Variants in ANK3 observed in about 807,000 individuals in gnomAD.
ANK3 encodes the protein ankyrin 3.
In ANK3, 57 loss-of-function variants were observed where a neutral mutation model predicts 370.9. That is an observed-to-expected ratio of 0.15 (90% CI 0.12 to 0.19). ANK3 has a LOEUF of 0.19. ANK3 is among the 10% of genes least tolerant of loss of function. ANK3 has a pLI of 1.00. For synonymous variants in ANK3, 1,929 were observed against 1,946.3 expected (o/e 0.99, Z 0.23); for missense variants, 4,439 against 5,302.1 (o/e 0.84, Z 5.06).
At chr10:60,451,532 AC>A (rs1242691694) in intron 2 of ANK3, among the ~76,000 whole-genome samples, 1 of 152,208 alleles carries the variant, frequency 6.6e-6, no homozygotes. Context: ...TGTAGAAGCT[AC>A]ATTAGGCTGC....
At chr10:60,698,767 G>T (rs1241652646) in intron 1 of ANK3, among the ~76,000 whole-genome samples, 3 of 101,830 alleles carry the variant, frequency 2.9e-5, no homozygotes, top group African/African-American at 7.4e-5. Flanking sequence ...TGGGGGGAGG[G>T]GGGAGGGATA....
intron 2 of ANK3, among the ~76,000 whole-genome samples, chr10:60,525,424 A>C (rs1385840500): frequency 6.6e-6 from 1 of 152,122 alleles, no homozygotes; most frequent in Non-Finnish European, 1.5e-5. Context: ...ATAATATATA[A>C]AATTTAGAAG....
At position 60,276,935 on chromosome 10, in the gene ANK3, G is replaced by T. The variant is rs542062980; in HGVS notation, c.414+1839C>A. 4.6e-5 allele frequency among the ~76,000 whole-genome samples: 7 copies of T among 152,268 alleles called. No homozygotes were observed. In the East Asian group the frequency reaches 1.3e-3, roughly 29 times the overall value. ...ATGATGCTTCTATTGTAGTAAGCTG[G>T]TCTGTGTCTCTCTCAAAGTACCATA... On this transcript the variant is annotated intron_variant, in intron 4 of 43. Transcript: ENST00000280772.
Position 60,166,629 on chromosome 10 carries a change from A to AT in ANK3, c.2575dup (p.Met859AsnfsTer4). On this transcript the variant is annotated frameshift_variant, in exon 23 of 44. Coordinates refer to ENST00000280772, the MANE Select transcript of ANK3 (RefSeq NM_020987.5). LOFTEE classifies it high-confidence loss of function. Reference sequence around the variant, plus strand: ...TGAGATATATTCGCCATCACTGAGCATTTCAGGGGCATTGGCTTTACGAAC... The same window carrying AT: ...TGAGATATATTCGCCATCACTGAGCATTTTCAGGGGCATTGGCTTTACGAAC... 1 of 1,613,882 alleles carries AT rather than the reference A, an allele frequency of 6.2e-7. No individual in the cohort carries two copies. Among genetic ancestry groups the AT allele is most frequent in the African/African-American group, 1.3e-5 (1 of 75,052 alleles).
At chr10:60,601,327 G>T (rs1467710939) in intron 2 of ANK3, among the ~76,000 whole-genome samples, 1 of 151,614 alleles carries the variant, frequency 6.6e-6, no homozygotes, top group African/African-American at 2.4e-5. Flanking sequence ...AAAAAAAAAA[G>T]TTATAACGCA....
intron 7 of ANK3, among the ~76,000 whole-genome samples, chr10:60,249,874 T>C (rs1412197031): frequency 6.6e-6 from 1 of 152,180 alleles, no homozygotes; most frequent in Non-Finnish European, 1.5e-5. Flanking sequence ...GGTCACGCAC[T>C]GAGGCGTACC....
intron 2 of ANK3, among the ~76,000 whole-genome samples, chr10:60,609,258 C>T (rs1208405938): frequency 6.6e-6 from 1 of 152,086 alleles, no homozygotes; most frequent in East Asian, 1.9e-4. Flanking sequence ...TTCATGATTC[C>T]TAATGAGTAA....
At chr10:60,309,486 G>A (rs2045884376) in intron 1 of ANK3, among the ~76,000 whole-genome samples, 1 of 152,192 alleles carries the variant, frequency 6.6e-6, no homozygotes, top group Admixed American at 6.5e-5. Flanking sequence ...TTTTGAAAAT[G>A]TAATGAACTC....
chr10:60,369,643 T>C (rs1202561560), intron 1 of ANK3, among the ~76,000 whole-genome samples: 1 of 152,194 alleles, frequency 6.6e-6, no homozygotes, highest in Non-Finnish European at 1.5e-5. Context: ...ATTGTATATC[T>C]CACAATCATT....
intron 26 of ANK3, chr10:60,111,695 T>C: frequency 4.4e-6 from 2 of 449,886 alleles, no homozygotes; most frequent in South Asian, 1.6e-5. Flanking sequence ...AAATTAAAAA[T>C]ACAAAAAGGA....
At chr10:60,622,351 T>G (rs1444402143) in intron 1 of ANK3, among the ~76,000 whole-genome samples, 1 of 152,050 alleles carries the variant, frequency 6.6e-6, no homozygotes, top group African/African-American at 2.4e-5. Context: ...TACAAGTGAT[T>G]CTCCTGCCTC....
In ANK3 at chr10:60,139,057, T is replaced by A; in HGVS notation, c.2645A>T (p.Lys882Ile). Residue 882 changes from lysine to isoleucine, a missense_variant, in exon 24 of 44, where the codon AAA becomes ATA. Lys to Ile is a moderately radical substitution (Grantham distance 102). Coordinates refer to ENST00000280772, the MANE Select transcript of ANK3 (RefSeq NM_020987.5). Reference protein sequence around the residue: ...GEDAMTGDTDKYLGPQDLKEL... With the variant: ...GEDAMTGDTDIYLGPQDLKEL... ...CTTAAGGTCCTGTGGCCCAAGATAT[T>A]TGTCTGTGTCCCCGGTCATTGCATC... is the stretch of plus-strand genomic sequence containing the variant. 1 of 1,613,690 alleles carries A rather than the reference T, an allele frequency of 6.2e-7. No homozygotes were observed.
intron 1 of ANK3, among the ~76,000 whole-genome samples, chr10:60,630,740 A>C (rs2078470480): frequency 6.6e-6 from 1 of 152,182 alleles, no homozygotes. Flanking sequence ...ATAAAAAAGC[A>C]CAGAGGTCAG....
chr10:60,130,640 A>T (rs12267338), intron 25 of ANK3, among the ~76,000 whole-genome samples: 2,313 of 152,312 alleles, frequency 0.015, 53 homozygotes, highest in African/African-American at 0.046. Context: ...AGAAACTAAT[A>T]ATTTTGTCAT....
intron 1 of ANK3, among the ~76,000 whole-genome samples, chr10:60,329,486 A>G (rs1446868388): frequency 1.3e-5 from 2 of 152,200 alleles, no homozygotes; most frequent in Admixed American, 6.5e-5. Flanking sequence ...CTATACACCA[A>G]TAATAGACAA....
intron 1 of ANK3, among the ~76,000 whole-genome samples, chr10:60,364,647 A>C (rs985957076): frequency 5.3e-5 from 8 of 152,182 alleles, no homozygotes; most frequent in Non-Finnish European, 5.9e-5. Context: ...CCTAAGTAAC[A>C]AACCTGCACA....
chr10:60,227,775 T>A (rs2097185265), intron 8 of ANK3, among the ~76,000 whole-genome samples: 1 of 152,126 alleles, frequency 6.6e-6, no homozygotes, highest in African/African-American at 2.4e-5. Flanking sequence ...TCTGGTTCTT[T>A]CCCCCGCATT....
intron 7 of ANK3, among the ~76,000 whole-genome samples, chr10:60,245,963 G>A (rs2097545510): frequency 6.6e-6 from 1 of 152,018 alleles, no homozygotes; most frequent in Admixed American, 6.6e-5. Flanking sequence ...TCATTATTAA[G>A]ATAACCACTA....
At chr10:60,141,568 T>TG (rs1565274104) in intron 23 of ANK3, among the ~76,000 whole-genome samples, 2 of 51,820 alleles carry the variant, frequency 3.9e-5, no homozygotes, top group Non-Finnish European at 9.3e-5. Flanking sequence ...GCTGTTTTTT[T>TG]TTTTTTTTTT....
Sources: allele counts gnomAD v4.1 joint callset (sites outside exome capture counted in the v4.1 genomes callset), GRCh38; gene constraint gnomAD v4.1.1; transcripts MANE v1.5; gene names NCBI Gene and HGNC (gene_info 2026-07-23, HGNC 2026-07-21).